The following ARHGAP21 variants were observed in gnomAD, a reference collection of about 807,000 sequenced individuals.
The protein encoded by ARHGAP21 is rho GTPase-activating protein 21.
In ARHGAP21, 38 loss-of-function variants were observed where a neutral mutation model predicts 164.6. That is an observed-to-expected ratio of 0.23 (90% confidence interval 0.18 to 0.30). The LOEUF (loss-of-function observed/expected upper bound fraction) is 0.30. ARHGAP21 is among the 10% of genes least tolerant of loss of function. The pLI is 1.00. For missense variants in ARHGAP21, 1,822 were observed against 2,370.7 expected (o/e 0.77, Z 4.81); for synonymous variants, 766 against 857.9 (o/e 0.89, Z 1.87).
intron 21 of ARHGAP21, 81 bp from the exon 22 acceptor site, chr10:24,592,093 T>A: frequency 7.9e-7 from 1 of 1,261,718 alleles, no homozygotes; most frequent in Non-Finnish European, 1.0e-6. Context: ...GGATTTTTGA[T>A]GAAAAAGAAT....
intron 2 of ARHGAP21, among the ~76,000 whole-genome samples, chr10:24,700,505 G>T (rs1208109199): frequency 3.3e-5 from 5 of 152,076 alleles, no homozygotes; most frequent in Non-Finnish European, 5.9e-5. Flanking sequence ...AAAATAATAA[G>T]AATTAAAGAT....
intron 9 of ARHGAP21, among the ~76,000 whole-genome samples, chr10:24,612,985 T>C (rs754405453): frequency 3.9e-5 from 6 of 152,208 alleles, no homozygotes; most frequent in Non-Finnish European, 8.8e-5. Flanking sequence ...ATCTTATTAA[T>C]AGTCAAGCAT....
chr10:24,656,341 G>C (rs867721391), intron 4 of ARHGAP21, among the ~76,000 whole-genome samples: 1 of 99,262 alleles, frequency 1.0e-5, no homozygotes. Context: ...GAGGGAGATG[G>C]GGGGGTCAGC....
intron 2 of ARHGAP21, among the ~76,000 whole-genome samples, chr10:24,704,945 C>T (rs1045683731): frequency 1.3e-5 from 2 of 152,068 alleles, no homozygotes; most frequent in African/African-American, 4.8e-5. Context: ...ATTATCAGAC[C>T]TAAACCACAA....
chr10:24,648,518 G>A (rs919913112), intron 4 of ARHGAP21, among the ~76,000 whole-genome samples: 13 of 152,102 alleles, frequency 8.5e-5, no homozygotes, highest in African/African-American at 2.4e-4. Flanking sequence ...AGAGGCTCAC[G>A]CCTATAATCC....
At chr10:24,653,729 G>A (rs1198008427) in intron 4 of ARHGAP21, among the ~76,000 whole-genome samples, 1 of 152,094 alleles carries the variant, frequency 6.6e-6, no homozygotes, top group Admixed American at 6.6e-5. Context: ...TCACAGACCT[G>A]TTTAGATTAC....
At chr10:24,605,867 T>C (rs1195974456) in intron 11 of ARHGAP21, 1 of 152,174 alleles carries the variant, frequency 6.6e-6, no homozygotes, top group African/African-American at 2.4e-5. Context: ...ACAGACATTA[T>C]AAAACTACCA....
At chr10:24,670,635 GAAGA>G (rs1840612042) in intron 2 of ARHGAP21, among the ~76,000 whole-genome samples, 1 of 151,922 alleles carries the variant, frequency 6.6e-6, no homozygotes, top group African/African-American at 2.4e-5. Flanking sequence ...AAATTAGTCA[GAAGA>G]AAGAACTCTC....
chr10:24,645,968 T>C (rs1837534598), intron 4 of ARHGAP21, among the ~76,000 whole-genome samples: 1 of 152,198 alleles, frequency 6.6e-6, no homozygotes, highest in African/African-American at 2.4e-5. Context: ...CACAGCTATC[T>C]GAAGGAAGTG....
chr10:24,676,892 T>C (rs7910292), intron 2 of ARHGAP21, among the ~76,000 whole-genome samples: 16,540 of 151,996 alleles, frequency 0.11, 1,724 homozygotes, highest in East Asian at 0.31. Context: ...AAGAGCAGAG[T>C]ACATAAACAT....
At chr10:24,610,301 C>T (rs1162240917) in intron 9 of ARHGAP21, among the ~76,000 whole-genome samples, 4 of 151,266 alleles carry the variant, frequency 2.6e-5, no homozygotes, top group African/African-American at 2.4e-5. Context: ...CGCTTGAACC[C>T]GGGAGGCGGA....
At chr10:24,721,615 A>C (rs1284062659) in intron 2 of ARHGAP21, among the ~76,000 whole-genome samples, 1 of 152,232 alleles carries the variant, frequency 6.6e-6, no homozygotes, top group Non-Finnish European at 1.5e-5. Context: ...AGGACATTCC[A>C]AACTGCGGGA....
At chr10:24,605,733 G>C (rs1047376289) in intron 11 of ARHGAP21, 9 of 152,086 alleles carry the variant, frequency 5.9e-5, no homozygotes, top group Admixed American at 3.9e-4. Context: ...ATTAATCATT[G>C]TATCAATGAA....
chr10:24,601,299 C>A (rs1423548100), intron 13 of ARHGAP21, among the ~76,000 whole-genome samples: 1 of 152,212 alleles, frequency 6.6e-6, no homozygotes, highest in African/African-American at 2.4e-5. Flanking sequence ...TTAGAGCACA[C>A]AAATGACAGA....
At position 24,670,198 on chromosome 10, in the gene ARHGAP21, G is replaced by T; in HGVS notation, c.243+20C>A. 6.6e-7 allele frequency: 1 copy of T among 1,510,030 alleles called. No homozygotes were observed. The highest frequency in any genetic ancestry group is 1.9e-5 in the Admixed American group (1 of 51,632). 93.5% of individuals were successfully genotyped at this position (1,510,030 alleles called of 1,614,324 possible). ...GGCCTTGTGGTTTTTTTTTCAAGTTGCGGTAACTATTTCTCTTACCTTATA... is the reference window on the plus strand; with the variant it reads ...GGCCTTGTGGTTTTTTTTTCAAGTTTCGGTAACTATTTCTCTTACCTTATA... On this transcript the variant is annotated intron_variant, in intron 3 of 25. Coordinates refer to ENST00000396432, the MANE Select transcript of ARHGAP21 (RefSeq NM_020824.4).
intron 9 of ARHGAP21, among the ~76,000 whole-genome samples, chr10:24,618,432 A>T (rs576356793): frequency 6.6e-6 from 1 of 152,302 alleles, no homozygotes; most frequent in Non-Finnish European, 1.5e-5. Flanking sequence ...GAAGATAAAT[A>T]AAAAAGCTTA....
intron 5 of ARHGAP21, among the ~76,000 whole-genome samples, chr10:24,634,050 C>T (rs1329398412): frequency 1.3e-5 from 2 of 151,646 alleles, no homozygotes; most frequent in Non-Finnish European, 2.9e-5. Flanking sequence ...AAACAAAGAA[C>T]AGAGGAAAGA....
At chr10:24,709,384 T>C (rs1341175049) in intron 2 of ARHGAP21, among the ~76,000 whole-genome samples, 4 of 152,002 alleles carry the variant, frequency 2.6e-5, no homozygotes, top group Non-Finnish European at 5.9e-5. Flanking sequence ...TTCTAAGAAA[T>C]CAAGGAATAA....
In ARHGAP21 at chr10:24,660,568, G is replaced by GGTAT. The variant is rs768003868; in HGVS notation, c.268+6416_268+6417insATAC. 2.8e-3 allele frequency among the ~76,000 whole-genome samples: 429 copies of GGTAT among 152,070 alleles called. 1 individual carries two copies. The highest frequency in any genetic ancestry group is 5.1e-3 in the Non-Finnish European group (349 of 67,992). ...GCTTGAAAAGTCTCCCATCAGTACAGGATACCTTTACCAAATGAGGTTTCA... is the reference window on the plus strand; with the variant it reads ...GCTTGAAAAGTCTCCCATCAGTACAGGTATGATACCTTTACCAAATGAGGTTTCA... On this transcript the variant is annotated intron_variant, in intron 4 of 25. Transcript: ENST00000396432.
Sources: gnomAD v4.1 joint callset for allele counts (sites outside exome capture counted in the v4.1 genomes callset) on GRCh38, gnomAD v4.1.1 for gene constraint, MANE v1.5 for transcripts, NCBI Gene and HGNC (gene_info 2026-07-23, HGNC 2026-07-21) for gene names.